Variants in UBE2Q2 observed in about 807,000 individuals in gnomAD.
UBE2Q2 encodes the protein ubiquitin conjugating enzyme E2 Q2, also known as ubiquitin-conjugating enzyme E2 Q2.
In UBE2Q2, 54 loss-of-function variants were observed where a neutral mutation model predicts 59.9. The ratio of observed to expected loss-of-function variants is 0.90; its 90% confidence interval spans 0.72 to 1.13. The LOEUF (loss-of-function observed/expected upper bound fraction) is 1.13, where lower values mean the gene tolerates loss of function less well. Ranked by LOEUF, UBE2Q2 falls within the 50% of genes most tolerant of loss-of-function variation. The pLI is 0.00. For missense variants in UBE2Q2, 433 were observed against 441.9 expected, an observed-to-expected ratio of 0.98 and a Z score of 0.18; for synonymous variants, 165 against 155.2, an observed-to-expected ratio of 1.06 and a Z score of -0.47.
At chr15:75,856,269 G>GTGTGTGTGTATATATATATATATA (rs1256142539) in intron 2 of UBE2Q2, among the ~76,000 whole-genome samples, 13 of 139,268 alleles carry the variant, frequency 9.3e-5, no homozygotes, top group African/African-American at 3.6e-4. Context: ...GTGTGTGTGT[G>GTGTGTGTGTATATATATATATATA]TATATATATA....
intron 9 of UBE2Q2, among the ~76,000 whole-genome samples, chr15:75,886,676 C>G (rs897260685): frequency 6.6e-6 from 1 of 151,744 alleles, no homozygotes; most frequent in Non-Finnish European, 1.5e-5. Context: ...TCATCTGAGT[C>G]AGGAGTTTGA....
intron 3 of UBE2Q2, among the ~76,000 whole-genome samples, chr15:75,862,873 C>G (rs1009971686): frequency 5.4e-5 from 8 of 148,634 alleles, no homozygotes; most frequent in Admixed American, 5.4e-4. Flanking sequence ...TCTTTGTGGC[C>G]AAGACTGGTA....
chr15:75,869,989 T>C (rs1263211542), intron 4 of UBE2Q2, among the ~76,000 whole-genome samples: 1 of 152,218 alleles, frequency 6.6e-6, no homozygotes, highest in Non-Finnish European at 1.5e-5. Context: ...CTTATAATTA[T>C]GCTTTTATTT....
In UBE2Q2 at chr15:75,899,509, T is replaced by G. The variant is rs1403546682; in HGVS notation, c.*51T>G. ...CTAATGTTGCTTTAAAGAAAATCTT[T>G]CTAACATGCAGACAAAAGCTTTGAG... On this transcript the variant is annotated 3_prime_UTR_variant, in exon 13 of 13. Coordinates refer to ENST00000267938, the MANE Select transcript of UBE2Q2 (RefSeq NM_173469.4). The G allele has an allele frequency of 1.4e-5, 21 of 1,529,126 alleles. No individual in the cohort carries two copies. The highest frequency in any genetic ancestry group is 1.8e-5 in the Non-Finnish European group (20 of 1,121,052). 94.7% of individuals were successfully genotyped at this position (1,529,126 alleles called of 1,614,324 possible).
Position 75,843,863 on chromosome 15 carries a change from C to A in UBE2Q2, c.180+17C>A. 1 of 1,543,862 alleles carries A rather than the reference C, an allele frequency of 6.5e-7. No homozygotes were observed. On this transcript the variant is annotated intron_variant, in intron 1 of 12. Transcript: ENST00000267938. Reference sequence around the variant, plus strand: ...AACATCACGGTGAGGCGCCCGGCCGCGGCCCCGCGGGGCAGGGCGAGGACG... The same window carrying A: ...AACATCACGGTGAGGCGCCCGGCCGAGGCCCCGCGGGGCAGGGCGAGGACG...
chr15:75,844,066 G>C, intron 1 of UBE2Q2: 1 of 1,409,420 alleles, frequency 7.1e-7, no homozygotes, highest in Admixed American at 3.1e-5. Context: ...CTTCTCGCCA[G>C]GGGCTGGCTT....
chr15:75,878,547 C>T (rs1441301775), intron 7 of UBE2Q2, among the ~76,000 whole-genome samples: 4 of 138,544 alleles, frequency 2.9e-5, no homozygotes, highest in South Asian at 2.3e-4. Flanking sequence ...CAGTGAGTCA[C>T]GATCGTATCA....
chr15:75,872,533 CTTTTTTTTTTTTT>C (rs374099581), intron 4 of UBE2Q2, among the ~76,000 whole-genome samples: 3 of 114,794 alleles, frequency 2.6e-5, no homozygotes, highest in African/African-American at 9.8e-5. Context: ...TTTTCTTTTC[CTTTTTTTTTTTTT>C]TTTTTTTTGA....
intron 2 of UBE2Q2, among the ~76,000 whole-genome samples, chr15:75,856,171 A>G (rs1461338654): frequency 6.6e-6 from 1 of 151,666 alleles, no homozygotes; most frequent in African/African-American, 2.4e-5. Context: ...TAGGTGACGG[A>G]GTGAGACCCC....
At chr15:75,882,457 T>A (rs925358807) in intron 8 of UBE2Q2, among the ~76,000 whole-genome samples, 18 of 152,216 alleles carry the variant, frequency 1.2e-4, no homozygotes, top group African/African-American at 3.9e-4. Context: ...CTGTTTAAAA[T>A]GAATTAAATC....
chr15:75,876,241 G>A lies in UBE2Q2; in HGVS notation c.643G>A (p.Asp215Asn), dbSNP rs1898072868. The A allele has an allele frequency of 1.9e-6, 3 of 1,613,894 alleles. No individual in the cohort carries two copies. In the South Asian group the frequency reaches 3.3e-5, roughly 18 times the overall value. ...ASDRLMKELRDIYRSQSYKTG... is the reference protein window; with the variant it reads ...ASDRLMKELRNIYRSQSYKTG... ...AGATAGACTTATGAAAGAGCTCAGG[G>A]ACATATACAGATCACAGAGTTATAA... Residue 215 changes from aspartate (D) to asparagine (N), a missense_variant, in exon 6 of 13, where the codon GAC becomes AAC. Transcript: ENST00000267938.
chr15:75,865,949 G>C (rs1027961751), intron 3 of UBE2Q2, among the ~76,000 whole-genome samples: 17 of 152,208 alleles, frequency 1.1e-4, no homozygotes, highest in Admixed American at 9.8e-4. Context: ...GGAGGTGAAC[G>C]TACACAGATA....
chr15:75,843,934 G>T, intron 1 of UBE2Q2, 88 bp downstream of exon 1: 1 of 1,428,130 alleles, frequency 7.0e-7, no homozygotes, highest in Non-Finnish European at 9.1e-7. Flanking sequence ...GCCTGCCCCG[G>T]AGAGGCTCCG....
At chr15:75,874,780 A>G (rs1897985453) in intron 5 of UBE2Q2, among the ~76,000 whole-genome samples, 1 of 152,230 alleles carries the variant, frequency 6.6e-6, no homozygotes, top group Non-Finnish European at 1.5e-5. Flanking sequence ...GTAGGGAAAC[A>G]TCAAATGATT....
chr15:75,847,613 C>T (rs1290005502), intron 1 of UBE2Q2, among the ~76,000 whole-genome samples: 1 of 152,028 alleles, frequency 6.6e-6, no homozygotes, highest in Non-Finnish European at 1.5e-5. Flanking sequence ...ACCTGATTGC[C>T]GTCTAATTAG....
At chr15:75,897,463 C>T (rs995218491) in intron 12 of UBE2Q2, among the ~76,000 whole-genome samples, 2 of 152,062 alleles carry the variant, frequency 1.3e-5, no homozygotes, top group Non-Finnish European at 2.9e-5. Context: ...TTGTGATCCG[C>T]CCGCCTCGGC....
rs1897126919 is a variant in UBE2Q2 at position 75,859,973 on chromosome 15, C to G, written c.378C>G (p.Pro126=). 2 of 1,594,584 alleles carry G rather than the reference C, an allele frequency of 1.3e-6. No individual in the cohort carries two copies. The highest frequency in any genetic ancestry group is 1.7e-6 in the Non-Finnish European group (2 of 1,173,688). ...TTGAGATGCTAGATCAACCACTACC[C>G]ACGGGTCAGGTAAAGTAAAAATTCT... ...LDVEMLDQPL[P]TGQNGTTEEV... The change falls in exon 3 of 13, where the codon CCC becomes CCG. Residue 126 remains proline, a synonymous_variant. Coordinates refer to ENST00000267938, the MANE Select transcript of UBE2Q2 (RefSeq NM_173469.4).
chr15:75,851,652 C>T (rs747398046), intron 1 of UBE2Q2, among the ~76,000 whole-genome samples: 4 of 152,138 alleles, frequency 2.6e-5, no homozygotes, highest in Non-Finnish European at 2.9e-5. Context: ...AGGAAAATGA[C>T]TGCCAAAAAC....
intron 8 of UBE2Q2, 81 bp downstream of exon 8, chr15:75,879,269 A>G: frequency 2.5e-6 from 2 of 795,038 alleles, no homozygotes; most frequent in East Asian, 2.7e-5. Context: ...ACAATTTGGT[A>G]AAGTAGAAGA....
Sources: allele counts gnomAD v4.1 joint callset (sites outside exome capture counted in the v4.1 genomes callset), GRCh38; gene constraint gnomAD v4.1.1; transcripts MANE v1.5; gene names NCBI Gene and HGNC (gene_info 2026-07-23, HGNC 2026-07-21).